CLEC5A: variants seen among roughly 807,000 people sequenced by gnomAD.
CLEC5A encodes the protein C-type lectin domain containing 5A, also known as C-type lectin domain family 5 member A.
CLEC5A carries 15 observed loss-of-function variants against 24.4 expected under a neutral mutation model. The observed-to-expected ratio is 0.62, with a 90% CI of 0.41 to 0.95. CLEC5A has a LOEUF of 0.95. Ranked by LOEUF, CLEC5A falls within the 40% of genes least tolerant of loss-of-function variation. The pLI, the probability that CLEC5A is intolerant of heterozygous loss-of-function variation, is 0.00. For synonymous variants in CLEC5A, 71 were observed against 72.6 expected (o/e 0.98, Z 0.11); for missense variants, 211 against 224.0 (o/e 0.94, Z 0.37).
At position 141,928,447 on chromosome 7, in the gene CLEC5A, C is replaced by T. The variant is rs1802361632; in HGVS notation, c.*1657G>A. The T allele has an allele frequency of 6.6e-6, 1 of 152,262 alleles. No individual in the cohort carries two copies. The highest frequency in any genetic ancestry group is 2.1e-4 in the South Asian group (1 of 4,826). 9.4% of individuals were successfully genotyped at this position (152,262 alleles called of 1,614,324 possible). On this transcript the variant is annotated 3_prime_UTR_variant, in exon 7 of 7. Transcript: ENST00000546910. The stretch of plus-strand genomic sequence containing the variant: ...GCTAGAGTTCTGTTGATATTTTTCT[C>T]CACCTAGACTCAGCCTTTCTTCCCT...
chr7:141,934,612 C>CTTTT (rs1563074252), intron 5 of CLEC5A, among the ~76,000 whole-genome samples: 1 of 83,172 alleles, frequency 1.2e-5, no homozygotes, highest in African/African-American at 4.8e-5. Flanking sequence ...TTTTCTTTAA[C>CTTTT]GTTTTTTTTT....
At chr7:141,934,362 A>C (rs1181233623) in intron 5 of CLEC5A, among the ~76,000 whole-genome samples, 2 of 152,196 alleles carry the variant, frequency 1.3e-5, no homozygotes, top group African/African-American at 4.8e-5. Context: ...AAGAGAAGGT[A>C]AAGTCCCAGA....
At position 141,927,952 on chromosome 7, in the gene CLEC5A, C is replaced by T. The variant is rs782749672; in HGVS notation, c.*2152G>A. 9.2e-5 allele frequency: 14 copies of T among 152,114 alleles called. No individual in the cohort carries two copies. The highest frequency in any genetic ancestry group is 1.5e-4 in the Non-Finnish European group (10 of 68,020). 9.4% of individuals were successfully genotyped at this position (152,114 alleles called of 1,614,324 possible). ...GATAGGTATTACTACCCCATTTTATCAGTAAGGAAATTAAGACCAAGAAAG... is the reference window on the plus strand; with the variant it reads ...GATAGGTATTACTACCCCATTTTATTAGTAAGGAAATTAAGACCAAGAAAG... On this transcript the variant is annotated 3_prime_UTR_variant, in exon 7 of 7. Transcript: ENST00000546910.
intron 6 of CLEC5A, among the ~76,000 whole-genome samples, chr7:141,931,252 T>C (rs1802448390): frequency 6.6e-6 from 1 of 152,182 alleles, no homozygotes; most frequent in African/African-American, 2.4e-5. Flanking sequence ...ACTAGTGTTA[T>C]AGAAATAGAT....
At position 141,936,075 on chromosome 7, in the gene CLEC5A, C is replaced by T. The variant is rs1802615226; in HGVS notation, c.209-125G>A. ...AACAATTATATTGGTAAAAATTATT[C>T]TCCATCCAGGAAGAAATTCCACCCA... On this transcript the variant is annotated intron_variant, in intron 4 of 6. Transcript: ENST00000546910. 3.8e-6 allele frequency: 3 copies of T among 796,844 alleles called. No homozygotes were observed. The Admixed American group carries it at 7.3e-5, about 20-fold the overall frequency. 49.4% of individuals were successfully genotyped at this position (796,844 alleles called of 1,614,324 possible).
intron 4 of CLEC5A, among the ~76,000 whole-genome samples, chr7:141,940,197 G>T (rs1360374928): frequency 1.3e-5 from 2 of 151,976 alleles, no homozygotes; most frequent in African/African-American, 4.8e-5. Flanking sequence ...AACAAAACAA[G>T]CCTTAAAACA....
chr7:141,938,841 G>A (rs1802704116), intron 4 of CLEC5A, among the ~76,000 whole-genome samples: 1 of 152,150 alleles, frequency 6.6e-6, no homozygotes, highest in Non-Finnish European at 1.5e-5. Flanking sequence ...AAATCTTATA[G>A]GCCAGGAGAG....
Position 141,946,323 on chromosome 7 carries a change from T to G in CLEC5A, c.-20-11A>C. 1.3e-6 allele frequency: 2 copies of G among 1,553,520 alleles called. No individual in the cohort carries two copies. Among genetic ancestry groups the G allele is most frequent in the Admixed American group, 2.0e-5 (1 of 51,046 alleles). On this transcript the variant is annotated splice_polypyrimidine_tract_variant and intron_variant, in intron 1 of 6. Coordinates refer to ENST00000546910, the MANE Select transcript of CLEC5A (RefSeq NM_013252.3). ...AGGAGCTGCAGGGGCCTGTGAAGAT[T>G]AGAGCACAGCAGCATCAGAATTCGG...
rs1802384885 is a variant in CLEC5A, at chr7:141,929,391, G to C, written c.*713C>G. Reference sequence around the variant, plus strand: ...AAGGAGTTACATATGTTATAATGGAGTTTCAGAAATATGACAAGGGAATTT... The same window carrying C: ...AAGGAGTTACATATGTTATAATGGACTTTCAGAAATATGACAAGGGAATTT... On this transcript the variant is annotated 3_prime_UTR_variant, in exon 7 of 7. Coordinates refer to ENST00000546910, the MANE Select transcript of CLEC5A (RefSeq NM_013252.3). 1 of 152,234 alleles carries C rather than the reference G, an allele frequency of 6.6e-6. No individual in the cohort carries two copies. The highest frequency in any genetic ancestry group is 2.1e-4 in the South Asian group (1 of 4,834). The allele number at this position is 152,234 out of a possible 1,614,324, so 9.4% of individuals were successfully genotyped here.
At chr7:141,938,992 A>C (rs1441997899) in intron 4 of CLEC5A, among the ~76,000 whole-genome samples, 1 of 152,230 alleles carries the variant, frequency 6.6e-6, no homozygotes, top group African/African-American at 2.4e-5. Context: ...AATCAACAGC[A>C]CATCAGTCCT....
rs1554440372 is a variant in CLEC5A, at chr7:141,931,704, T to C, written c.452+16A>G. On this transcript the variant is annotated intron_variant, in intron 6 of 6. Coordinates refer to ENST00000546910, the MANE Select transcript of CLEC5A (RefSeq NM_013252.3). ...GCAAACCAAGATCCCCAGGAAACTG[T>C]GGCATGTTCACGTACTTGCCATTGA... 1 of 1,357,124 alleles carries C rather than the reference T, an allele frequency of 7.4e-7. No homozygotes were observed. The highest frequency in any genetic ancestry group is 1.2e-5 in the South Asian group (1 of 85,924). 84.1% of individuals were successfully genotyped at this position (1,357,124 alleles called of 1,614,324 possible).
At position 141,928,049 on chromosome 7, in the gene CLEC5A, A is replaced by G. The variant is rs1802349331; in HGVS notation, c.*2055T>C. ...AAAACTCAAATTCAGTGGCTTGCTAAATTTTCATTGCCTTTTTTTTTTTTA... is the reference window on the plus strand; with the variant it reads ...AAAACTCAAATTCAGTGGCTTGCTAGATTTTCATTGCCTTTTTTTTTTTTA... On this transcript the variant is annotated 3_prime_UTR_variant, in exon 7 of 7. Transcript: ENST00000546910. 2 of 151,416 alleles carry G rather than the reference A, an allele frequency of 1.3e-5. No individual in the cohort carries two copies. The highest frequency in any genetic ancestry group is 4.2e-4 in the South Asian group (2 of 4,756). The allele number at this position is 151,416 out of a possible 1,614,324, so 9.4% of individuals were successfully genotyped here.
At chr7:141,933,180 T>C (rs1431215721) in intron 5 of CLEC5A, among the ~76,000 whole-genome samples, 2 of 152,276 alleles carry the variant, frequency 1.3e-5, no homozygotes, top group Middle Eastern at 3.4e-3. Flanking sequence ...GGAAATTATA[T>C]ACTGGATCTG....
Position 141,931,793 on chromosome 7 carries a change from A to G in CLEC5A, c.379T>C (p.Tyr127His). ...CGATGGTAAATTAAGCCAATAAAAT[A>G]CTTCTCAGCATCAGTTATGTCCTGA... is the stretch of plus-strand genomic sequence containing the variant. Reference protein sequence around the residue: ...FLQDITDAEKYFIGLIYHREE... With the variant: ...FLQDITDAEKHFIGLIYHREE... Residue 127 changes from tyrosine (Y) to histidine (H), a missense_variant, in exon 6 of 7, where the codon TAT becomes CAT. By Grantham distance (83) the Tyr-to-His change is moderately conservative. Transcript: ENST00000546910. 6.2e-7 allele frequency: 1 copy of G among 1,605,158 alleles called. No individual in the cohort carries two copies. The highest frequency in any genetic ancestry group is 2.2e-5 in the East Asian group (1 of 44,814).
In CLEC5A at chr7:141,945,325, C is replaced by A; in HGVS notation, c.139+16G>T. The A allele has an allele frequency of 6.3e-7, 1 of 1,586,120 alleles. No individual in the cohort carries two copies. Among genetic ancestry groups the A allele is most frequent in the Non-Finnish European group, 8.7e-7 (1 of 1,154,524 alleles). ...AGCAGGAGGATGGGGAGAAGATTTA[C>A]CACCATGCAGATTACCTGTTCCATA... On this transcript the variant is annotated intron_variant, in intron 3 of 6. Coordinates refer to ENST00000546910, the MANE Select transcript of CLEC5A (RefSeq NM_013252.3).
At chr7:141,938,401 TTAA>T (rs1309622100) in intron 4 of CLEC5A, among the ~76,000 whole-genome samples, 10 of 151,914 alleles carry the variant, frequency 6.6e-5, no homozygotes, top group African/African-American at 2.2e-4. Context: ...TCAGAGTATA[TTAA>T]TAACAGAATC....
chr7:141,933,897 C>T (rs557742684), intron 5 of CLEC5A, among the ~76,000 whole-genome samples: 65 of 152,054 alleles, frequency 4.3e-4, no homozygotes, highest in African/African-American at 1.4e-3. Flanking sequence ...GAGCCGGCTG[C>T]GCAGCTGTGA....
chr7:141,930,886 T>G (rs1394649749), intron 6 of CLEC5A, among the ~76,000 whole-genome samples: 1 of 152,224 alleles, frequency 6.6e-6, no homozygotes, highest in South Asian at 2.1e-4. Context: ...AAACAACATA[T>G]GCAAAGTGTT....
In CLEC5A at chr7:141,928,470, C is replaced by T. The variant is rs545175187; in HGVS notation, c.*1634G>A. Reference sequence around the variant, plus strand: ...CTCCACCTAGACTCAGCCTTTCTTCCCTTCTCAACGGTAGCACTTATCCTT... The same window carrying T: ...CTCCACCTAGACTCAGCCTTTCTTCTCTTCTCAACGGTAGCACTTATCCTT... On this transcript the variant is annotated 3_prime_UTR_variant, in exon 7 of 7. Transcript: ENST00000546910. The T allele has an allele frequency of 1.3e-5, 2 of 152,294 alleles. No individual in the cohort carries two copies. Among genetic ancestry groups the T allele is most frequent in the South Asian group, 4.1e-4 (2 of 4,824 alleles). 9.4% of individuals were successfully genotyped at this position (152,294 alleles called of 1,614,324 possible).
Sources: gnomAD v4.1 joint callset for allele counts (sites outside exome capture counted in the v4.1 genomes callset) on GRCh38, gnomAD v4.1.1 for gene constraint, MANE v1.5 for transcripts, NCBI Gene and HGNC (gene_info 2026-07-23, HGNC 2026-07-21) for gene names.